IFT172: variants seen among roughly 807,000 people sequenced by gnomAD.
IFT172 encodes intraflagellar transport protein 172 homolog.
In IFT172, 164 loss-of-function variants were observed where a neutral mutation model predicts 248.9. The observed-to-expected ratio is 0.66, with a 90% CI of 0.58 to 0.75. The LOEUF is 0.75. Among genes scored for constraint, IFT172 ranks in the 30% least tolerant of loss-of-function variants. The pLI is 0.00. For missense variants in IFT172, 1,950 were observed against 2,192.4 expected, an observed-to-expected ratio of 0.89 and a Z score of 2.21; for synonymous variants, 729 against 791.6, an observed-to-expected ratio of 0.92 and a Z score of 1.33.
intron 18 of IFT172, 132 bp from the exon 19 acceptor site, chr2:27,463,313 A>G: frequency 1.4e-6 from 1 of 720,006 alleles, no homozygotes; most frequent in Non-Finnish European, 2.2e-6. Context: ...AGACATATAG[A>G]GACCAAGGAA....
chr2:27,459,067 A>G (rs1333813567), intron 25 of IFT172, 199 bp from the exon 26 acceptor site: 3 of 646,094 alleles, frequency 4.6e-6, no homozygotes, highest in Non-Finnish European at 7.7e-6. Flanking sequence ...AGTGGAATCC[A>G]AAAGGGCCTC....
chr2:27,455,038 A>T (rs563300312), intron 30 of IFT172: 2 of 297,204 alleles, frequency 6.7e-6, no homozygotes, highest in Non-Finnish European at 1.3e-5. Context: ...CATTAGCAGA[A>T]ACAGAGTCTC....
In IFT172 at chr2:27,446,282, T is replaced by C. The variant is rs761504464; in HGVS notation, c.4733A>G (p.Tyr1578Cys). 17 of 1,614,126 alleles carry C rather than the reference T, an allele frequency of 1.1e-5. No homozygotes were observed. The Admixed American group carries it at 2.7e-4, about 25-fold the overall frequency. Residue 1578 changes from tyrosine to cysteine, a missense_variant, in exon 43 of 48, where the codon TAT becomes TGT. This residue lies in a region of IFT172 where 620 missense variants were observed against 699.0 expected (regional missense o/e 0.89). Coordinates refer to ENST00000260570, the MANE Select transcript of IFT172 (RefSeq NM_015662.3). The stretch of plus-strand genomic sequence containing the variant: ...CACCTTGGCAGCAATGCCTGCTTCA[T>C]AGAAGGCTTTGTCTACAGGTAGTAG... ...TQLLPVDKAF[Y>C]EAGIAAKAVG...
chr2:27,485,011 T>C lies in IFT172; in HGVS notation c.296+7A>G. The stretch of plus-strand genomic sequence containing the variant: ...GGGCCATCCCATCTCCCAGTCTCTA[T>C]CCTCACCAATCTTCTCCAATCTTGT... On this transcript the variant is annotated splice_region_variant and intron_variant, in intron 3 of 47. Transcript: ENST00000260570. The C allele has an allele frequency of 6.8e-7, 1 of 1,470,298 alleles. No individual in the cohort carries two copies. The highest frequency in any genetic ancestry group is 9.5e-7 in the Non-Finnish European group (1 of 1,050,082). 91.1% of individuals were successfully genotyped at this position (1,470,298 alleles called of 1,614,324 possible).
chr2:27,456,375 A>G, intron 30 of IFT172, 136 bp downstream of exon 30: 1 of 1,167,382 alleles, frequency 8.6e-7, no homozygotes, highest in Non-Finnish European at 1.2e-6. Context: ...CCTAGGGAAT[A>G]GAAGCAGTTA....
chr2:27,470,125 G>A (rs911715440), intron 16 of IFT172, among the ~76,000 whole-genome samples: 1 of 151,840 alleles, frequency 6.6e-6, no homozygotes, highest in Non-Finnish European at 1.5e-5. Flanking sequence ...TGCACCTGTA[G>A]TCCTAGCTGT....
At chr2:27,465,724 T>C in intron 17 of IFT172, 22 bp downstream of exon 17, 1 of 1,613,952 alleles carries the variant, frequency 6.2e-7, no homozygotes, top group East Asian at 2.2e-5. Context: ...ACCACCTCAC[T>C]GGTTATTGGC....
In IFT172 at chr2:27,445,869, C is replaced by A. The variant is rs1466771318; in HGVS notation, c.4816-26G>T. 3 of 1,614,202 alleles carry A rather than the reference C, an allele frequency of 1.9e-6. No homozygotes were observed. Among genetic ancestry groups the A allele is most frequent in the Non-Finnish European group, 1.7e-6 (2 of 1,180,026 alleles). Reference sequence around the variant, plus strand: ...CTGCAGTAGAGTGGGCAACCATGAACTAGGCACAGCTCGCGACTGGCAAAA... The same window carrying A: ...CTGCAGTAGAGTGGGCAACCATGAAATAGGCACAGCTCGCGACTGGCAAAA... On this transcript the variant is annotated intron_variant, in intron 44 of 47. Transcript: ENST00000260570. The surrounding 1 kb of genome is among the most constrained non-coding windows in gnomAD (Gnocchi z 4.4).
chr2:27,456,843 G>A (rs1320104472), intron 29 of IFT172, among the ~76,000 whole-genome samples, 190 bp from the exon 30 acceptor site: 1 of 151,856 alleles, frequency 6.6e-6, no homozygotes, highest in Non-Finnish European at 1.5e-5. Flanking sequence ...TCAGGAGTTC[G>A]AGACCAGCCT....
chr2:27,477,161 G>C, intron 13 of IFT172, 56 bp downstream of exon 13: 1 of 1,439,950 alleles, frequency 6.9e-7, no homozygotes, highest in South Asian at 1.1e-5. Flanking sequence ...CAGAATTTAG[G>C]AGTCCAAAAG....
rs545691452 is a variant in IFT172 at position 27,474,074 on chromosome 2, T to C, written c.1412-1712A>G. ...CCGCCCGCCTCGGCCTCTCAAAGTA[T>C]TGGGATTATAGGCATGAGCCACCGT... On this transcript the variant is annotated intron_variant, in intron 14 of 47. Coordinates refer to ENST00000260570, the MANE Select transcript of IFT172 (RefSeq NM_015662.3). Among the ~76,000 whole-genome samples, 5 of 152,230 alleles carry C rather than the reference T, an allele frequency of 3.3e-5. No homozygotes were observed. In the South Asian group the frequency reaches 8.3e-4, roughly 25 times the overall value.
chr2:27,463,206 A>C, intron 18 of IFT172, 25 bp from the exon 19 acceptor site: 1 of 1,587,520 alleles, frequency 6.3e-7, no homozygotes, highest in Non-Finnish European at 8.6e-7. Context: ...CAATAACATT[A>C]ATAGTAATAT....
At chr2:27,453,912 T>G (rs1269962939) in intron 33 of IFT172, 70 bp downstream of exon 33, 1 of 1,492,118 alleles carries the variant, frequency 6.7e-7, no homozygotes, top group East Asian at 2.3e-5. Context: ...ATACCAGGGG[T>G]CAGTGTGGCT....
chr2:27,467,804 A>T (rs1667220642), intron 16 of IFT172, among the ~76,000 whole-genome samples: 1 of 152,106 alleles, frequency 6.6e-6, no homozygotes, highest in South Asian at 2.1e-4. Flanking sequence ...AACTTCCAAG[A>T]GTGATGAAAA....
chr2:27,454,147 C>T lies in IFT172; in HGVS notation c.3546G>A (p.Gln1182=), dbSNP rs1348557511. The T allele has an allele frequency of 6.2e-7, 1 of 1,612,904 alleles. No individual in the cohort carries two copies. Among genetic ancestry groups the T allele is most frequent in the South Asian group, 1.1e-5 (1 of 90,924 alleles). The part of the protein sequence containing the change: ...KEAVLMFVHN[Q]DWEAAQRVAE... ...CCACACGCTGAGCTGCCTCCCAATC[C>T]TGGTTATGGACAAACCTGCCTCCAG... The change falls in exon 33 of 48, where the codon CAG becomes CAA. Residue 1182 remains glutamine, a synonymous_variant. Coordinates refer to ENST00000260570, the MANE Select transcript of IFT172 (RefSeq NM_015662.3). This position sits in a 1 kb window ranked among gnomAD's most constrained non-coding sequence, Gnocchi z 4.2.
intron 8 of IFT172, 44 bp from the exon 9 acceptor site, chr2:27,480,193 T>C: frequency 6.3e-7 from 1 of 1,585,142 alleles, no homozygotes; most frequent in African/African-American, 1.4e-5. Flanking sequence ...GAGGCTGAGC[T>C]AAAGAGTGCA....
intron 15 of IFT172, chr2:27,471,817 G>A (rs1160480052): frequency 9.4e-6 from 2 of 212,464 alleles, no homozygotes; most frequent in East Asian, 1.1e-4. Context: ...ATCACCTGAG[G>A]CCAGGAGGTC....
chr2:27,458,210 C>T lies in IFT172; in HGVS notation c.2891G>A (p.Cys964Tyr), dbSNP rs1666331638. Reference sequence around the variant, plus strand: ...CACTGACACATCTTCTGGTCTCATGCATTTCATCGCCAGCTGTGGAGGCAC... The same window carrying T: ...CACTGACACATCTTCTGGTCTCATGTATTTCATCGCCAGCTGTGGAGGCAC... ...WEQAHKLAMK[C>Y]MRPEDVSVLY... is the part of the protein sequence containing the mutation. The change falls in exon 27 of 48, where the codon TGC becomes TAC. Residue 964 changes from cysteine to tyrosine, a missense_variant. By Grantham distance (194) the Cys-to-Tyr change is radical. Coordinates refer to ENST00000260570, the MANE Select transcript of IFT172 (RefSeq NM_015662.3). 6.2e-7 allele frequency: 1 copy of T among 1,614,050 alleles called. No homozygotes were observed. The highest frequency in any genetic ancestry group is 8.5e-7 in the Non-Finnish European group (1 of 1,180,018).
In IFT172 at chr2:27,481,092, C is replaced by G. The variant is rs144379702; in HGVS notation, c.739G>C (p.Val247Leu). 5 of 1,614,014 alleles carry G rather than the reference C, an allele frequency of 3.1e-6. No individual in the cohort carries two copies. The highest frequency in any genetic ancestry group is 1.7e-4 in the Middle Eastern group (1 of 6,034). The change falls in exon 8 of 48, where the codon GTA (valine) becomes CTA (leucine). Residue 247 changes from valine (V) to leucine (L), a missense_variant. By Grantham distance (32) the Val-to-Leu change is conservative. Transcript: ENST00000260570. The part of the protein sequence containing the change: ...DPQEREFTTA[V>L]SSPGGQSVVL... Reference sequence around the variant, plus strand: ...ACAGACTGGCCCCCAGGACTTGATACAGCTGTGGTGAACTCCCGCTCCTGA... The same window carrying G: ...ACAGACTGGCCCCCAGGACTTGATAGAGCTGTGGTGAACTCCCGCTCCTGA...
Sources: gnomAD v4.1 joint callset for allele counts (sites outside exome capture counted in the v4.1 genomes callset) on GRCh38, gnomAD v4.1.1 for gene constraint, gnomAD v4.1.1 regional missense constraint, Gnocchi (gnomAD v3.1) non-coding constraint, MANE v1.5 for transcripts, NCBI Gene and HGNC (gene_info 2026-07-23, HGNC 2026-07-21) for gene names.